Variants in ACSF2 observed in about 807,000 individuals in gnomAD.
The protein encoded by ACSF2 is medium-chain acyl-CoA ligase ACSF2, mitochondrial.
Under a neutral mutation model 79.3 loss-of-function variants are expected in ACSF2, and 52 were observed. The observed-to-expected ratio is 0.66, with a 90% CI of 0.53 to 0.83. ACSF2 has a LOEUF of 0.83. ACSF2 is among the 40% of genes least tolerant of loss of function. The probability of loss-of-function intolerance (pLI) is 0.00; values close to 1 mark genes in which losing one functional copy is unlikely to be tolerated. For synonymous variants in ACSF2, 283 were observed against 312.6 expected, an observed-to-expected ratio of 0.91 and a Z score of 1.00; for missense variants, 661 against 803.3, an observed-to-expected ratio of 0.82 and a Z score of 2.14.
At chr17:50,452,798 G>T (rs1352650321) in intron 1 of ACSF2, among the ~76,000 whole-genome samples, 1 of 152,200 alleles carries the variant, frequency 6.6e-6, no homozygotes, top group Non-Finnish European at 1.5e-5. Flanking sequence ...CGAAATGATG[G>T]GTGGGTCCTA....
chr17:50,444,102 C>T (rs1209512507), intron 1 of ACSF2, among the ~76,000 whole-genome samples: 1 of 152,164 alleles, frequency 6.6e-6, no homozygotes, highest in Non-Finnish European at 1.5e-5. Context: ...TAGAGGATTA[C>T]TGATTTGTTC....
chr17:50,468,576 A>T, intron 10 of ACSF2: 1 of 1,614,218 alleles, frequency 6.2e-7, no homozygotes, highest in African/African-American at 1.3e-5. Context: ...TGCAGGTGCA[A>T]TGACACGAGG....
At chr17:50,462,833 C>T in intron 6 of ACSF2, 2 of 590,864 alleles carry the variant, frequency 3.4e-6, no homozygotes, top group Non-Finnish European at 3.0e-6. Flanking sequence ...ACTGAACCAA[C>T]ACAGGTTGGA....
In ACSF2 at chr17:50,451,729, C is replaced by T. The variant is rs550769828; in HGVS notation, c.129-8948C>T. 4.3e-4 allele frequency among the ~76,000 whole-genome samples: 65 copies of T among 152,312 alleles called. No individual in the cohort carries two copies. The South Asian group carries it at 0.012, about 27-fold the overall frequency. ...CCTCCCAAAGTGCTGGGATTATAGG[C>T]GTGAGCCACCGCGCCCAGCCCTTGA... On this transcript the variant is annotated intron_variant, in intron 1 of 15. Transcript: ENST00000300441.
At chr17:50,427,077 T>C in intron 1 of ACSF2, 1 of 1,293,164 alleles carries the variant, frequency 7.7e-7, no homozygotes, top group Non-Finnish European at 1.1e-6. Context: ...AGGCTGCCAC[T>C]CATGTTATCA....
chr17:50,464,774 G>GGGA (rs1555611953), intron 10 of ACSF2: 2 of 333,130 alleles, frequency 6.0e-6, no homozygotes, highest in Non-Finnish European at 1.2e-5. Context: ...TGACTTGGGG[G>GGGA]GGGGGTCTCA....
intron 10 of ACSF2, 195 bp downstream of exon 10, chr17:50,464,489 G>T (rs749072009): frequency 2.9e-6 from 2 of 700,206 alleles, no homozygotes; most frequent in Non-Finnish European, 5.2e-6. Flanking sequence ...GGTGGCAGGG[G>T]AGTAAATATA....
At chr17:50,431,559 A>G (rs1283329192) in intron 1 of ACSF2, among the ~76,000 whole-genome samples, 2 of 152,238 alleles carry the variant, frequency 1.3e-5, no homozygotes, top group Non-Finnish European at 2.9e-5. Context: ...CCCTGGTGCC[A>G]TCATAGCTTG....
intron 1 of ACSF2, among the ~76,000 whole-genome samples, chr17:50,454,828 CAT>C (rs2031892827): frequency 6.6e-6 from 1 of 152,168 alleles, no homozygotes; most frequent in African/African-American, 2.4e-5. Flanking sequence ...GGAGAAAACA[CAT>C]ATGCCAATTG....
intron 11 of ACSF2, 101 bp from the exon 12 acceptor site, chr17:50,472,327 G>C: frequency 7.0e-7 from 1 of 1,421,832 alleles, no homozygotes; most frequent in Admixed American, 2.5e-5. Context: ...AGGCAGTTGG[G>C]TTGGGGGGTT....
chr17:50,427,033 T>C, intron 1 of ACSF2: 1 of 1,519,346 alleles, frequency 6.6e-7, no homozygotes, highest in Admixed American at 2.0e-5. Flanking sequence ...CCCCGTGAGA[T>C]GGCAAATGTG....
rs535332695 is a variant in ACSF2 at position 50,451,948 on chromosome 17, C to T, written c.129-8729C>T. Reference sequence around the variant, plus strand: ...ATTCATCTGAGCACCTCTTATGTTCCTGGCACTCAGACACTTGGGATAAAG... The same window carrying T: ...ATTCATCTGAGCACCTCTTATGTTCTTGGCACTCAGACACTTGGGATAAAG... On this transcript the variant is annotated intron_variant, in intron 1 of 15. Transcript: ENST00000300441. 4.6e-5 allele frequency among the ~76,000 whole-genome samples: 7 copies of T among 152,300 alleles called. No individual in the cohort carries two copies. In the East Asian group the frequency reaches 9.6e-4, roughly 21 times the overall value.
rs773152377 is a variant in ACSF2, at chr17:50,474,503, T to A, written c.1799T>A (p.Ile600Asn). The A allele has an allele frequency of 3.1e-6, 5 of 1,613,988 alleles. No individual in the cohort carries two copies. The highest frequency in any genetic ancestry group is 4.2e-6 in the Non-Finnish European group (5 of 1,179,980). Reference protein sequence around the residue: ...TNYPLTISGKIQKFKLREQME... With the variant: ...TNYPLTISGKNQKFKLREQME... ...CTAACTCCATTTTCTTTCCTCTAGATCCAGAAATTCAAACTTCGAGAGCAG... is the reference window on the plus strand; with the variant it reads ...CTAACTCCATTTTCTTTCCTCTAGAACCAGAAATTCAAACTTCGAGAGCAG... Residue 600 changes from isoleucine to asparagine, a missense_variant and splice_region_variant, in exon 16 of 16, where the codon ATC (isoleucine) becomes AAC (asparagine). Transcript: ENST00000300441. This position sits in a 1 kb window ranked among gnomAD's most constrained non-coding sequence, Gnocchi z 4.2.
Position 50,462,257 on chromosome 17 carries a change from G to A in ACSF2, c.581G>A (p.Cys194Tyr), listed in dbSNP as rs777340533. ...QQYYNVLKQI[C>Y]PEVENAQPGA... is the part of the protein sequence containing the mutation. ...TACTACAACGTCCTGAAGCAGATCT[G>A]TCCAGAAGTGGAGAATGCCCAGCCA... Residue 194 changes from cysteine to tyrosine, a missense_variant, in exon 5 of 16, where the codon TGT (cysteine) becomes TAT (tyrosine). Physicochemically the swap from Cys to Tyr is radical, Grantham distance 194 (BLOSUM62 -2). Coordinates refer to ENST00000300441, the MANE Select transcript of ACSF2 (RefSeq NM_025149.6). 14 of 1,613,974 alleles carry A rather than the reference G, an allele frequency of 8.7e-6. No homozygotes were observed. The East Asian group carries it at 2.7e-4, about 31-fold the overall frequency.
chr17:50,445,688 C>T (rs1303879638), intron 1 of ACSF2, among the ~76,000 whole-genome samples: 1 of 151,944 alleles, frequency 6.6e-6, no homozygotes, highest in East Asian at 1.9e-4. Flanking sequence ...GTGTTCCCAG[C>T]TACTCAGGAG....
Position 50,439,605 on chromosome 17 carries a change from T to G in ACSF2, c.128+13216T>G, listed in dbSNP as rs1484925815. ...TTTAGGTATTGCCCTGGCGAGACTG[T>G]GCTACTGTGACCACCAGCAGCAACC... On this transcript the variant is annotated intron_variant, in intron 1 of 15. Transcript: ENST00000300441. 2.6e-5 allele frequency among the ~76,000 whole-genome samples: 4 copies of G among 152,190 alleles called. No individual in the cohort carries two copies. The East Asian group carries it at 7.7e-4, about 29-fold the overall frequency.
chr17:50,438,853 T>C (rs899785497), intron 1 of ACSF2, among the ~76,000 whole-genome samples: 2 of 152,066 alleles, frequency 1.3e-5, no homozygotes, highest in African/African-American at 4.8e-5. Flanking sequence ...AGGCCTGAGC[T>C]ACCATACCTG....
At chr17:50,436,033 A>C (rs1228324660) in intron 1 of ACSF2, among the ~76,000 whole-genome samples, 1 of 151,946 alleles carries the variant, frequency 6.6e-6, no homozygotes, top group African/African-American at 2.4e-5. Flanking sequence ...ATTTTTTTTT[A>C]CACTTAAGTC....
At chr17:50,427,518 A>G (rs1298662897) in intron 1 of ACSF2, among the ~76,000 whole-genome samples, 1 of 151,960 alleles carries the variant, frequency 6.6e-6, no homozygotes, top group Non-Finnish European at 1.5e-5. Context: ...GTCACTCACT[A>G]CTTCCCAGGG....
Sources: gnomAD v4.1 joint callset for allele counts (sites outside exome capture counted in the v4.1 genomes callset) on GRCh38, gnomAD v4.1.1 for gene constraint, Gnocchi (gnomAD v3.1) non-coding constraint, MANE v1.5 for transcripts, NCBI Gene and HGNC (gene_info 2026-07-23, HGNC 2026-07-21) for gene names.